The following CEP128 variants were observed in gnomAD, a reference collection of about 807,000 sequenced individuals.
The protein encoded by CEP128 is centrosomal protein 128kDa.
In CEP128, 132 loss-of-function variants were observed where a neutral mutation model predicts 156.7. The ratio of observed to expected loss-of-function variants is 0.84; its 90% CI spans 0.73 to 0.97. The LOEUF is 0.97. Ranked by LOEUF, CEP128 falls within the 50% of genes least tolerant of loss-of-function variation. The pLI is 0.00. For missense variants in CEP128, 1,252 were observed against 1,281.9 expected (o/e 0.98, Z 0.36); for synonymous variants, 469 against 448.9 (o/e 1.04, Z -0.57).
intron 13 of CEP128, among the ~76,000 whole-genome samples, chr14:80,794,033 A>C (rs162171): frequency 0.64 from 97,451 of 152,010 alleles, 31,662 homozygotes; most frequent in East Asian, 0.79. Flanking sequence ...ACATAAGCTG[A>C]CCCTCCTGAG....
intron 19 of CEP128, among the ~76,000 whole-genome samples, chr14:80,584,151 TTTTTTTTTTTTTG>T (rs1188709922): frequency 9.0e-6 from 1 of 111,616 alleles, no homozygotes; most frequent in Non-Finnish European, 1.8e-5. Context: ...ATTTTTTTTT[TTTTTTTTTTTTTG>T]TTTGACAGCG....
chr14:80,587,846 T>C (rs1195236242), intron 19 of CEP128, among the ~76,000 whole-genome samples: 1 of 152,146 alleles, frequency 6.6e-6, no homozygotes, highest in Non-Finnish European at 1.5e-5. Context: ...CATAAAATCA[T>C]TTTTCTCCCC....
intron 9 of CEP128, among the ~76,000 whole-genome samples, chr14:80,860,840 A>T (rs1887478502): frequency 1.3e-5 from 2 of 152,092 alleles, no homozygotes. Flanking sequence ...ACTTTAAAAA[A>T]TCTGTCGATT....
chr14:80,730,104 T>C (rs1267796768), intron 19 of CEP128, among the ~76,000 whole-genome samples: 5 of 152,200 alleles, frequency 3.3e-5, no homozygotes, highest in African/African-American at 1.2e-4. Context: ...CAGTCTCTTA[T>C]TTCAATATGA....
chr14:80,791,591 T>C lies in CEP128; in HGVS notation c.1560+1169A>G, dbSNP rs75785495. ...CAGGCTCATTGAGCCAGTTGCCAGATCAGGCTGACAACAGAATAATCAAGA... is the reference window on the plus strand; with the variant it reads ...CAGGCTCATTGAGCCAGTTGCCAGACCAGGCTGACAACAGAATAATCAAGA... On this transcript the variant is annotated intron_variant, in intron 14 of 24. Transcript: ENST00000555265. Among the ~76,000 whole-genome samples the C allele has an allele frequency of 8.8e-3, 1,341 of 152,266 alleles. 10 individuals are homozygous for C. Among genetic ancestry groups the C allele is most frequent in the Non-Finnish European group, 0.016 (1,100 of 68,024 alleles).
At chr14:80,607,001 AT>A (rs1762810623) in intron 19 of CEP128, among the ~76,000 whole-genome samples, 3 of 151,572 alleles carry the variant, frequency 2.0e-5, no homozygotes, top group African/African-American at 7.3e-5. Context: ...ATGTACATAT[AT>A]TTTAATACAT....
At chr14:80,566,247 C>T (rs1292405219) in intron 20 of CEP128, among the ~76,000 whole-genome samples, 1 of 152,210 alleles carries the variant, frequency 6.6e-6, no homozygotes, top group Non-Finnish European at 1.5e-5. Flanking sequence ...TTACCTGCTA[C>T]TTCCTAAATA....
intron 19 of CEP128, among the ~76,000 whole-genome samples, chr14:80,594,388 A>ATACC (rs1203066364): frequency 6.6e-6 from 1 of 152,220 alleles, no homozygotes; most frequent in Non-Finnish European, 1.5e-5. Flanking sequence ...AACCTAGGCA[A>ATACC]TACCATTCAG....
intron 19 of CEP128, among the ~76,000 whole-genome samples, chr14:80,643,960 T>C (rs1334064067): frequency 6.6e-6 from 1 of 152,096 alleles, no homozygotes; most frequent in Non-Finnish European, 1.5e-5. Flanking sequence ...TCAGCCTAGA[T>C]GTAGGGTGAG....
chr14:80,727,034 T>C (rs1421085372), intron 19 of CEP128, among the ~76,000 whole-genome samples: 1 of 152,024 alleles, frequency 6.6e-6, no homozygotes, highest in Non-Finnish European at 1.5e-5. Flanking sequence ...GGAAAAGAAA[T>C]AAGATGATTA....
intron 18 of CEP128, among the ~76,000 whole-genome samples, chr14:80,751,043 G>A (rs1412816007): frequency 2.2e-4 from 34 of 152,162 alleles, no homozygotes; most frequent in Admixed American, 2.2e-3. Flanking sequence ...AGAGAAGGTG[G>A]CCATCTATGA....
At chr14:80,720,345 A>G (rs920758669) in intron 19 of CEP128, among the ~76,000 whole-genome samples, 7 of 152,188 alleles carry the variant, frequency 4.6e-5, no homozygotes, top group African/African-American at 1.7e-4. Context: ...GAAGGACAGT[A>G]GTTGAGTGTC....
rs1470823427 is a variant in CEP128 at position 80,784,980 on chromosome 14, G to A, written c.2126C>T (p.Thr709Ile). ...CTCCTGGATATTCTGTTCGTGTTTT[G>A]TTTTCACACTCTGCAATGATGATGT... ...DLTSSLQSVK[T>I]KHEQNIQELM... Residue 709 changes from threonine to isoleucine, a missense_variant, in exon 15 of 25, where the codon ACA becomes ATA. Thr to Ile is a moderately conservative substitution (Grantham distance 89, BLOSUM62 -1). Coordinates refer to ENST00000555265, the MANE Select transcript of CEP128 (RefSeq NM_152446.5). 6.2e-7 allele frequency: 1 copy of A among 1,613,952 alleles called. No homozygotes were observed. The highest frequency in any genetic ancestry group is 2.2e-5 in the East Asian group (1 of 44,898).
intron 8 of CEP128, among the ~76,000 whole-genome samples, chr14:80,872,301 A>G (rs1888068695): frequency 6.6e-6 from 1 of 152,162 alleles, no homozygotes; most frequent in Non-Finnish European, 1.5e-5. Context: ...AATAGAAAAT[A>G]TTTTCCATGA....
At chr14:80,539,114 T>C (rs898845090) in intron 21 of CEP128, among the ~76,000 whole-genome samples, 9 of 152,228 alleles carry the variant, frequency 5.9e-5, no homozygotes, top group Non-Finnish European at 1.0e-4. Context: ...ACTGAATGCC[T>C]CAGACACTGT....
chr14:80,576,624 C>CGT (rs753148123), intron 20 of CEP128, among the ~76,000 whole-genome samples: 6,838 of 112,668 alleles, frequency 0.061, 202 homozygotes, highest in Middle Eastern at 0.085. Flanking sequence ...ATTACTCCGG[C>CGT]GTGTGTGTGT....
At chr14:80,668,901 C>G (rs138928286) in intron 19 of CEP128, among the ~76,000 whole-genome samples, 1 of 152,120 alleles carries the variant, frequency 6.6e-6, no homozygotes, top group African/African-American at 2.4e-5. Context: ...AGGAAGTTCC[C>G]CTGCACAAGC....
chr14:80,525,147 G>C (rs1406390756), intron 23 of CEP128, among the ~76,000 whole-genome samples: 1 of 152,188 alleles, frequency 6.6e-6, no homozygotes, highest in Non-Finnish European at 1.5e-5. Flanking sequence ...GTTGAACTAA[G>C]AGGCATGTAC....
intron 2 of CEP128, among the ~76,000 whole-genome samples, chr14:80,925,242 G>GA (rs1441449606): frequency 6.6e-6 from 1 of 151,300 alleles, no homozygotes; most frequent in East Asian, 1.9e-4. Flanking sequence ...AGACCACCAA[G>GA]AAAAAAAATG....
Sources: allele counts gnomAD v4.1 joint callset (sites outside exome capture counted in the v4.1 genomes callset), GRCh38; gene constraint gnomAD v4.1.1; transcripts MANE v1.5; gene names NCBI Gene and HGNC (gene_info 2026-07-23, HGNC 2026-07-21).